The following GHR variants were observed in gnomAD, a reference collection of about 807,000 sequenced individuals.
GHR encodes growth hormone receptor, also known as GH receptor.
GHR carries 35 observed loss-of-function variants against 67.1 expected under a neutral mutation model. The observed-to-expected ratio is 0.52, with a 90% confidence interval of 0.40 to 0.69. The LOEUF is 0.69. GHR is among the 30% of genes least tolerant of loss of function. The pLI, the probability that GHR is intolerant of heterozygous loss-of-function variation, is 0.00. For synonymous variants in GHR, 272 were observed against 269.1 expected (o/e 1.01, Z -0.10); for missense variants, 792 against 764.6 (o/e 1.04, Z -0.42).
intron 1 of GHR, among the ~76,000 whole-genome samples, chr5:42,443,958 G>GATAGATATAGAT (rs71608646): frequency 0.088 from 13,023 of 148,082 alleles, 736 homozygotes; most frequent in African/African-American, 0.16. Flanking sequence ...TATAGATATA[G>GATAGATATAGAT]ATAGATATAG....
intron 1 of GHR, among the ~76,000 whole-genome samples, chr5:42,519,811 A>G (rs1747396993): frequency 6.6e-6 from 1 of 152,212 alleles, no homozygotes; most frequent in Non-Finnish European, 1.5e-5. Flanking sequence ...CTACCTCACC[A>G]TTGACACTGT....
At chr5:42,528,090 T>A (rs890357643) in intron 1 of GHR, among the ~76,000 whole-genome samples, 1 of 152,186 alleles carries the variant, frequency 6.6e-6, no homozygotes, top group Non-Finnish European at 1.5e-5. Flanking sequence ...GAGGTTAATG[T>A]AGTTTTCGTG....
chr5:42,536,353 G>A (rs1250060101), intron 1 of GHR, among the ~76,000 whole-genome samples: 1 of 152,012 alleles, frequency 6.6e-6, no homozygotes, highest in African/African-American at 2.4e-5. Flanking sequence ...TGCCAATTTT[G>A]CTGAGAGTTT....
intron 1 of GHR, among the ~76,000 whole-genome samples, chr5:42,520,634 T>C (rs1428891133): frequency 2.0e-5 from 3 of 152,188 alleles, no homozygotes; most frequent in African/African-American, 7.2e-5. Context: ...TTTACAAGAA[T>C]GGGTACTTTT....
intron 3 of GHR, among the ~76,000 whole-genome samples, chr5:42,670,546 T>C (rs945806905): frequency 6.6e-6 from 1 of 152,150 alleles, no homozygotes; most frequent in Non-Finnish European, 1.5e-5. Context: ...AAAAAACTTC[T>C]GTACAGCAGA....
chr5:42,587,775 A>G (rs949268413), intron 2 of GHR, among the ~76,000 whole-genome samples: 2 of 152,130 alleles, frequency 1.3e-5, no homozygotes, highest in Admixed American at 6.5e-5. Context: ...CAAGGTAAGA[A>G]GCTTAGAGAA....
intron 1 of GHR, among the ~76,000 whole-genome samples, chr5:42,442,641 C>A (rs987072368): frequency 6.6e-6 from 1 of 152,124 alleles, no homozygotes. Flanking sequence ...GGATGCTGCA[C>A]CCCAGATCAA....
chr5:42,708,092 G>GTT (rs1758269187), intron 6 of GHR, among the ~76,000 whole-genome samples: 1 of 152,042 alleles, frequency 6.6e-6, no homozygotes, highest in African/African-American at 2.4e-5. Flanking sequence ...GTGAGGAATG[G>GTT]TTAATTTAAA....
intron 2 of GHR, among the ~76,000 whole-genome samples, chr5:42,620,748 G>A (rs1753400527): frequency 6.6e-6 from 1 of 152,122 alleles, no homozygotes; most frequent in Non-Finnish European, 1.5e-5. Flanking sequence ...GGGAAGAGAA[G>A]GTGGCTCCAG....
intron 3 of GHR, among the ~76,000 whole-genome samples, chr5:42,664,482 A>T (rs1362721103): frequency 1.3e-5 from 2 of 152,226 alleles, no homozygotes; most frequent in Non-Finnish European, 2.9e-5. Flanking sequence ...TGAGAAAAAC[A>T]AGCAATGGGA....
chr5:42,605,874 C>T (rs114121180), intron 2 of GHR, among the ~76,000 whole-genome samples: 273 of 152,298 alleles, frequency 1.8e-3, no homozygotes, highest in African/African-American at 5.9e-3. Flanking sequence ...GCTTAATCCA[C>T]GGACAGCAGC....
chr5:42,451,751 T>C (rs1744062083), intron 1 of GHR, among the ~76,000 whole-genome samples: 1 of 151,968 alleles, frequency 6.6e-6, no homozygotes, highest in Admixed American at 6.6e-5. Flanking sequence ...TTTCCATTTG[T>C]GTGAAATATC....
At chr5:42,555,530 C>T (rs1363302989) in intron 1 of GHR, among the ~76,000 whole-genome samples, 1 of 152,142 alleles carries the variant, frequency 6.6e-6, no homozygotes, top group Admixed American at 6.6e-5. Flanking sequence ...AAAGATCAAG[C>T]ACAGTTCGAA....
At chr5:42,617,737 C>T (rs1207619329) in intron 2 of GHR, among the ~76,000 whole-genome samples, 1 of 152,144 alleles carries the variant, frequency 6.6e-6, no homozygotes, top group African/African-American at 2.4e-5. Context: ...CAAAGACACA[C>T]TGTGCAAGAC....
At chr5:42,627,667 C>T (rs115827688) in intron 2 of GHR, among the ~76,000 whole-genome samples, 157 of 152,368 alleles carry the variant, frequency 1.0e-3, no homozygotes, top group African/African-American at 3.5e-3. Flanking sequence ...AGAATACAGA[C>T]GGTCAGGTGC....
intron 1 of GHR, among the ~76,000 whole-genome samples, chr5:42,539,766 ACTTT>A (rs1409887066): frequency 6.6e-6 from 1 of 152,080 alleles, no homozygotes; most frequent in Non-Finnish European, 1.5e-5. Context: ...TATTTGCTAG[ACTTT>A]CTTTTTCTTC....
intron 3 of GHR, among the ~76,000 whole-genome samples, chr5:42,664,575 C>A (rs576347003): frequency 6.6e-6 from 1 of 152,232 alleles, no homozygotes; most frequent in East Asian, 1.9e-4. Context: ...CTTCCTTACA[C>A]CTTATACAAA....
At chr5:42,466,784 T>C (rs979075389) in intron 1 of GHR, 8 of 728,110 alleles carry the variant, frequency 1.1e-5, no homozygotes, top group African/African-American at 5.3e-5. Flanking sequence ...TTTAAGGACA[T>C]AGGCCTCATC....
chr5:42,589,775 G>A (rs1057254645), intron 2 of GHR, among the ~76,000 whole-genome samples: 16 of 152,150 alleles, frequency 1.1e-4, no homozygotes, highest in Non-Finnish European at 2.4e-4. Flanking sequence ...AAGTTATTAT[G>A]CTTGGAATAA....
Sources: gnomAD v4.1 joint callset for allele counts (sites outside exome capture counted in the v4.1 genomes callset) on GRCh38, gnomAD v4.1.1 for gene constraint, MANE v1.5 for transcripts, NCBI Gene and HGNC (gene_info 2026-07-23, HGNC 2026-07-21) for gene names.